The following GALNTL6 variants were observed in gnomAD, a reference collection of about 807,000 sequenced individuals.
The protein encoded by GALNTL6 is polypeptide N-acetylgalactosaminyltransferase-like 6.
Under a neutral mutation model 73.7 loss-of-function variants are expected in GALNTL6, and 46 were observed. That is an observed-to-expected ratio of 0.62 (90% confidence interval 0.49 to 0.80). The LOEUF (loss-of-function observed/expected upper bound fraction) is 0.80, where lower values mean the gene tolerates loss of function less well. GALNTL6 is among the 30% of genes least tolerant of loss of function. The probability of loss-of-function intolerance (pLI) is 0.00; values close to 1 mark genes in which losing one functional copy is unlikely to be tolerated. For synonymous variants in GALNTL6, 259 were observed against 263.7 expected (o/e 0.98, Z 0.17); for missense variants, 604 against 755.0 (o/e 0.80, Z 2.34).
intron 4 of GALNTL6, among the ~76,000 whole-genome samples, chr4:172,346,233 A>G (rs1486537819): frequency 1.3e-5 from 2 of 152,260 alleles, no homozygotes; most frequent in Non-Finnish European, 2.9e-5. Context: ...AAATTGACAG[A>G]TAGATGTGTA....
At chr4:171,874,278 C>T (rs571541259) in intron 2 of GALNTL6, among the ~76,000 whole-genome samples, 15 of 152,254 alleles carry the variant, frequency 9.9e-5, no homozygotes, top group African/African-American at 1.2e-4. Context: ...TCTTGGCTCA[C>T]GGCAACCTCC....
intron 2 of GALNTL6, among the ~76,000 whole-genome samples, chr4:172,142,815 A>G (rs1733835455): frequency 3.9e-5 from 6 of 152,042 alleles, no homozygotes. Context: ...ATTTGAATAG[A>G]CAAGAAATGG....
intron 4 of GALNTL6, among the ~76,000 whole-genome samples, chr4:172,341,029 A>G (rs1161259522): frequency 1.2e-4 from 19 of 152,244 alleles, no homozygotes. Context: ...TAGGGAGATC[A>G]TTTGGATCTG....
chr4:172,780,538 T>G (rs908948944), intron 5 of GALNTL6, among the ~76,000 whole-genome samples: 2 of 152,252 alleles, frequency 1.3e-5, no homozygotes, highest in African/African-American at 4.8e-5. Context: ...CAAATGGAAT[T>G]TGGCTGATTT....
chr4:172,581,682 A>G (rs1191415816), intron 5 of GALNTL6, among the ~76,000 whole-genome samples: 1 of 152,162 alleles, frequency 6.6e-6, no homozygotes, highest in East Asian at 1.9e-4. Flanking sequence ...TCAGCGTGGT[A>G]TCACACCTTT....
chr4:172,280,540 A>G (rs1054079755), intron 3 of GALNTL6, among the ~76,000 whole-genome samples: 2 of 151,936 alleles, frequency 1.3e-5, no homozygotes, highest in Non-Finnish European at 2.9e-5. Flanking sequence ...CCTTTGAACC[A>G]TCCAGAGTTC....
At chr4:172,263,301 G>C (rs549808468) in intron 3 of GALNTL6, among the ~76,000 whole-genome samples, 1 of 151,232 alleles carries the variant, frequency 6.6e-6, no homozygotes, top group South Asian at 2.1e-4. Flanking sequence ...TTCTTGGATG[G>C]TTTGTTTACT....
At chr4:172,052,856 ACTCT>A (rs993192389) in intron 2 of GALNTL6, among the ~76,000 whole-genome samples, 1 of 152,034 alleles carries the variant, frequency 6.6e-6, no homozygotes, top group Non-Finnish European at 1.5e-5. Context: ...ATTCACACAC[ACTCT>A]CTCACACACA....
At chr4:172,385,505 A>C (rs1743433284) in intron 5 of GALNTL6, among the ~76,000 whole-genome samples, 1 of 151,898 alleles carries the variant, frequency 6.6e-6, no homozygotes, top group South Asian at 2.1e-4. Flanking sequence ...TGAATAATTG[A>C]CCCTTTTTTC....
intron 5 of GALNTL6, among the ~76,000 whole-genome samples, chr4:172,684,551 A>G (rs1732809763): frequency 6.6e-6 from 1 of 152,226 alleles, no homozygotes; most frequent in Non-Finnish European, 1.5e-5. Context: ...CATACAAATA[A>G]TGGGTCTATA....
intron 7 of GALNTL6, among the ~76,000 whole-genome samples, chr4:172,860,624 A>T (rs1261491623): frequency 6.6e-6 from 1 of 152,212 alleles, no homozygotes; most frequent in Non-Finnish European, 1.5e-5. Flanking sequence ...TAGGAAAACT[A>T]ATAAAGATTG....
At chr4:172,188,170 A>G (rs1353050922) in intron 2 of GALNTL6, among the ~76,000 whole-genome samples, 1 of 152,218 alleles carries the variant, frequency 6.6e-6, no homozygotes, top group Non-Finnish European at 1.5e-5. Flanking sequence ...AATTGATGAT[A>G]TAAAGAACAG....
intron 5 of GALNTL6, among the ~76,000 whole-genome samples, chr4:172,409,673 G>T (rs1453113143): frequency 2.0e-5 from 3 of 152,080 alleles, no homozygotes; most frequent in African/African-American, 2.4e-5. Context: ...TTTATTTGAG[G>T]TTACATTCCA....
At chr4:172,680,653 AT>A (rs1348748403) in intron 5 of GALNTL6, among the ~76,000 whole-genome samples, 3 of 152,110 alleles carry the variant, frequency 2.0e-5, no homozygotes, top group Admixed American at 6.6e-5. Context: ...CTATGATCCT[AT>A]TTTAAAAAAG....
intron 3 of GALNTL6, among the ~76,000 whole-genome samples, chr4:172,235,648 C>T: frequency 6.6e-6 from 1 of 151,834 alleles, no homozygotes. Flanking sequence ...AAAATTTCAA[C>T]ATTTATTTTT....
At chr4:171,823,338 A>G (rs1210669254) in intron 2 of GALNTL6, among the ~76,000 whole-genome samples, 1 of 152,044 alleles carries the variant, frequency 6.6e-6, no homozygotes, top group Non-Finnish European at 1.5e-5. Context: ...GCCCTGAGAG[A>G]TTGAGGGGAC....
chr4:172,944,369 T>C (rs1450245534), intron 9 of GALNTL6, among the ~76,000 whole-genome samples: 4 of 152,124 alleles, frequency 2.6e-5, no homozygotes, highest in Non-Finnish European at 5.9e-5. Flanking sequence ...CATGAAAAAA[T>C]GATTAACATC....
intron 5 of GALNTL6, among the ~76,000 whole-genome samples, chr4:172,734,110 T>C (rs1736310833): frequency 6.6e-6 from 1 of 152,214 alleles, no homozygotes; most frequent in Non-Finnish European, 1.5e-5. Context: ...TATGCAAAGA[T>C]ACTGGTGACA....
rs28434609 is a variant in GALNTL6 at position 172,225,780 on chromosome 4, G to T, written c.139-3876G>T. On this transcript the variant is annotated intron_variant, in intron 2 of 12. Coordinates refer to ENST00000506823, the MANE Select transcript of GALNTL6 (RefSeq NM_001034845.3). ...CAAAAATAAATAAATAAATAAATAA[G>T]TAAATAAATGAAAATAAAAATAATT... 5.3e-5 allele frequency among the ~76,000 whole-genome samples: 8 copies of T among 151,724 alleles called. 1 individual carries two copies. The South Asian group carries it at 1.7e-3, about 32-fold the overall frequency.
Sources: gnomAD v4.1 joint callset for allele counts (sites outside exome capture counted in the v4.1 genomes callset) on GRCh38, gnomAD v4.1.1 for gene constraint, MANE v1.5 for transcripts, NCBI Gene and HGNC (gene_info 2026-07-23, HGNC 2026-07-21) for gene names.